The following KANK1 variants were observed in gnomAD, a reference collection of about 807,000 sequenced individuals.
KANK1 encodes the protein KN motif and ankyrin repeat domains 1.
KANK1 carries 109 observed loss-of-function variants against 106.2 expected under a neutral mutation model. The ratio of observed to expected loss-of-function variants is 1.03; its 90% CI spans 0.88 to 1.20. KANK1 has a LOEUF of 1.20. KANK1 is among the 50% of genes most tolerant of loss of function. The pLI is 0.00. For synonymous variants in KANK1, 873 were observed against 652.2 expected (o/e 1.34, Z -5.16); for missense variants, 2,399 against 1,710.7 (o/e 1.40, Z -7.10).
intron 1 of KANK1, among the ~76,000 whole-genome samples, chr9:668,704 TAA>T (rs1298996908): frequency 6.6e-6 from 1 of 152,120 alleles, no homozygotes; most frequent in African/African-American, 2.4e-5. Flanking sequence ...CAAGTTATTT[TAA>T]AGAGATGACA....
intron 1 of KANK1, among the ~76,000 whole-genome samples, chr9:613,364 T>A (rs1312290959): frequency 6.6e-6 from 1 of 151,238 alleles, no homozygotes; most frequent in Non-Finnish European, 1.5e-5. Flanking sequence ...CAGTCCTTTA[T>A]GACAAGCTTG....
intron 1 of KANK1, among the ~76,000 whole-genome samples, chr9:637,838 C>T (rs1030615895): frequency 2.6e-5 from 4 of 152,080 alleles, no homozygotes; most frequent in Non-Finnish European, 5.9e-5. Context: ...TGGGAAATTG[C>T]CTTCAGCATA....
At chr9:559,924 G>A (rs182665668) in intron 1 of KANK1, among the ~76,000 whole-genome samples, 229 of 152,232 alleles carry the variant, frequency 1.5e-3, no homozygotes, top group South Asian at 6.4e-3. Context: ...ACTTTCTTAA[G>A]CATTTTTACC....
intron 8 of KANK1, 81 bp from the exon 9 acceptor site, chr9:740,711 C>A (rs1428328759): frequency 7.5e-6 from 11 of 1,461,206 alleles, no homozygotes; most frequent in Admixed American, 2.0e-5. Context: ...CCTGTAAACA[C>A]CATCCCTTCA....
At chr9:683,414 C>CTA (rs1449597561) in intron 2 of KANK1, among the ~76,000 whole-genome samples, 1 of 152,152 alleles carries the variant, frequency 6.6e-6, no homozygotes, top group African/African-American at 2.4e-5. Context: ...TAGGTAAGAA[C>CTA]TAAAAGGGTG....
At chr9:725,454 C>T (rs1830403967) in intron 3 of KANK1, among the ~76,000 whole-genome samples, 1 of 145,102 alleles carries the variant, frequency 6.9e-6, no homozygotes, top group African/African-American at 2.6e-5. Flanking sequence ...GATCACGCCA[C>T]AGCCCTCACT....
intron 1 of KANK1, 81 bp from the exon 2 acceptor site, chr9:676,809 T>A (rs552645186): frequency 1.6e-6 from 1 of 606,628 alleles, no homozygotes; most frequent in African/African-American, 1.9e-5. Context: ...TTAGCAGTCA[T>A]CTTTGTAAAC....
chr9:709,151 T>G (rs995937336), intron 2 of KANK1, among the ~76,000 whole-genome samples: 1 of 152,080 alleles, frequency 6.6e-6, no homozygotes, highest in Non-Finnish European at 1.5e-5. Flanking sequence ...CCAAAAGGAG[T>G]CAACACGGAG....
chr9:549,957 C>T (rs1176595059), intron 1 of KANK1, among the ~76,000 whole-genome samples: 2 of 151,984 alleles, frequency 1.3e-5, no homozygotes, highest in African/African-American at 2.4e-5. Context: ...TCAGAAAGTT[C>T]CCTAGGGTAA....
At chr9:485,074 C>T (rs1379328640) in intron 3 of KANK1, among the ~76,000 whole-genome samples, 1 of 152,228 alleles carries the variant, frequency 6.6e-6, no homozygotes, top group Non-Finnish European at 1.5e-5. Flanking sequence ...TAAGAAACAG[C>T]ATTCATTCAC....
chr9:631,255 C>G (rs1333514613), intron 1 of KANK1, among the ~76,000 whole-genome samples: 1 of 152,158 alleles, frequency 6.6e-6, no homozygotes, highest in East Asian at 1.9e-4. Flanking sequence ...GCAGAATTAT[C>G]TATGCAAGTT....
intron 3 of KANK1, among the ~76,000 whole-genome samples, chr9:726,242 C>A (rs180813794): frequency 2.6e-5 from 4 of 152,054 alleles, no homozygotes; most frequent in Non-Finnish European, 5.9e-5. Context: ...CCTTTCTTCT[C>A]TTGGTGGGAA....
chr9:650,159 A>T (rs1840565863), intron 1 of KANK1, among the ~76,000 whole-genome samples: 1 of 152,222 alleles, frequency 6.6e-6, no homozygotes, highest in Non-Finnish European at 1.5e-5. Flanking sequence ...ATTGCAGGGC[A>T]GCTTGCAAAT....
At chr9:513,855 A>G (rs1385553894) in intron 1 of KANK1, among the ~76,000 whole-genome samples, 1 of 151,958 alleles carries the variant, frequency 6.6e-6, no homozygotes, top group Non-Finnish European at 1.5e-5. Context: ...CATCTCTACT[A>G]AAAATACAAA....
intron 1 of KANK1, among the ~76,000 whole-genome samples, chr9:528,296 C>CTTTCCCTCT (rs2059896339): frequency 6.6e-6 from 1 of 151,140 alleles, no homozygotes; most frequent in African/African-American, 2.4e-5. Context: ...ATTTAGATAA[C>CTTTCCCTCT]TTTCCCTCTT....
intron 1 of KANK1, among the ~76,000 whole-genome samples, chr9:625,290 C>T (rs1405676895): frequency 6.6e-6 from 1 of 152,126 alleles, no homozygotes; most frequent in African/African-American, 2.4e-5. Context: ...CAGATAAAAA[C>T]CGTTAAGTAT....
chr9:613,758 C>G (rs1428053442), intron 1 of KANK1, among the ~76,000 whole-genome samples: 1 of 152,022 alleles, frequency 6.6e-6, no homozygotes, highest in Non-Finnish European at 1.5e-5. Context: ...TTTAAAAATA[C>G]AGGTTCATGA....
intron 1 of KANK1, among the ~76,000 whole-genome samples, chr9:529,889 G>T (rs1264098687): frequency 2.0e-5 from 3 of 152,186 alleles, no homozygotes; most frequent in Non-Finnish European, 2.9e-5. Context: ...GCTAACTTAT[G>T]CTCTCACAGG....
At chr9:606,790 G>A (rs1382250221) in intron 1 of KANK1, among the ~76,000 whole-genome samples, 1 of 151,470 alleles carries the variant, frequency 6.6e-6, no homozygotes, top group East Asian at 1.9e-4. Flanking sequence ...CTCTTGAAAT[G>A]TTTTCATCCT....
Sources: allele counts gnomAD v4.1 joint callset (sites outside exome capture counted in the v4.1 genomes callset), GRCh38; gene constraint gnomAD v4.1.1; transcripts MANE v1.5; gene names NCBI Gene and HGNC (gene_info 2026-07-23, HGNC 2026-07-21).